The following MAGI2 variants were observed in gnomAD, a reference collection of about 807,000 sequenced individuals.
MAGI2 encodes membrane-associated guanylate kinase, WW and PDZ domain-containing protein 2.
A neutral mutation model predicts 133.3 loss-of-function variants in MAGI2; 35 were observed. The ratio of observed to expected loss-of-function variants is 0.26; its 90% confidence interval spans 0.20 to 0.35. MAGI2 has a LOEUF of 0.35. Among genes scored for constraint, MAGI2 ranks in the 10% least tolerant of loss-of-function variants. The probability of loss-of-function intolerance (pLI) is 1.00; values close to 1 mark genes in which losing one functional copy is unlikely to be tolerated. For missense variants in MAGI2, 1,636 were observed against 1,863.4 expected (o/e 0.88, Z 2.25); for synonymous variants, 729 against 710.6 (o/e 1.03, Z -0.41).
chr7:79,404,251 A>C (rs1300430378), intron 1 of MAGI2, among the ~76,000 whole-genome samples: 1 of 152,128 alleles, frequency 6.6e-6, no homozygotes, highest in African/African-American at 2.4e-5. Flanking sequence ...GATCAAGGCA[A>C]ATAGTAAATA....
At position 79,247,633 on chromosome 7, in the gene MAGI2, C is replaced by A. The variant is rs182327051; in HGVS notation, c.301+205387G>T. On this transcript the variant is annotated intron_variant, in intron 1 of 21. Coordinates refer to ENST00000354212, the MANE Select transcript of MAGI2 (RefSeq NM_012301.4). ...GTCTGAAATACTACTACTACTACTA[C>A]TACTAATAACTATAACAACTTTTAA... Among the ~76,000 whole-genome samples the A allele has an allele frequency of 3.8e-4, 58 of 152,048 alleles. No individual in the cohort carries two copies. The East Asian group carries it at 0.011, about 28-fold the overall frequency.
chr7:78,309,722 A>G (rs1431657128), intron 9 of MAGI2, among the ~76,000 whole-genome samples: 3 of 152,218 alleles, frequency 2.0e-5, no homozygotes, highest in Non-Finnish European at 4.4e-5. Context: ...CAATAGCACA[A>G]TGGAAAAAGC....
At chr7:78,446,149 G>T (rs1472104945) in intron 6 of MAGI2, among the ~76,000 whole-genome samples, 1 of 104,888 alleles carries the variant, frequency 9.5e-6, no homozygotes, top group Non-Finnish European at 2.1e-5. Context: ...AATACTATAT[G>T]TTTAACTTAT....
chr7:78,957,594 C>T (rs758036545), intron 2 of MAGI2, among the ~76,000 whole-genome samples: 15 of 151,992 alleles, frequency 9.9e-5, no homozygotes, highest in Non-Finnish European at 1.5e-4. Context: ...TAGACCAAAA[C>T]CTGTTTGAAA....
chr7:78,879,360 A>G (rs1348131571), intron 2 of MAGI2, among the ~76,000 whole-genome samples: 2 of 152,042 alleles, frequency 1.3e-5, no homozygotes, highest in Admixed American at 1.3e-4. Context: ...TTATATACCC[A>G]TCTATGTTGG....
chr7:78,087,976 G>C (rs189074436), intron 20 of MAGI2, among the ~76,000 whole-genome samples: 79 of 152,274 alleles, frequency 5.2e-4, no homozygotes, highest in Non-Finnish European at 1.0e-3. Context: ...ATCGGCCTAA[G>C]AATAGAAAGC....
intron 1 of MAGI2, among the ~76,000 whole-genome samples, chr7:79,325,288 C>T (rs12216581): frequency 0.57 from 86,815 of 151,886 alleles, 26,958 homozygotes; most frequent in Non-Finnish European, 0.69. Context: ...TGTGTGTTAT[C>T]GTAACCCTCC....
At chr7:78,642,380 T>C (rs918171000) in intron 2 of MAGI2, among the ~76,000 whole-genome samples, 10 of 152,176 alleles carry the variant, frequency 6.6e-5, no homozygotes, top group Non-Finnish European at 1.5e-4. Flanking sequence ...AAAAGAACTA[T>C]CTTAGGTTAA....
chr7:78,334,633 A>G (rs1016145633), intron 9 of MAGI2, among the ~76,000 whole-genome samples: 7 of 152,182 alleles, frequency 4.6e-5, no homozygotes, highest in African/African-American at 1.4e-4. Context: ...GGGGGAGGTT[A>G]GGATGGAGGG....
intron 9 of MAGI2, among the ~76,000 whole-genome samples, chr7:78,275,206 C>T (rs1794946480): frequency 6.6e-6 from 1 of 152,136 alleles, no homozygotes; most frequent in African/African-American, 2.4e-5. Context: ...GGAGAGAATT[C>T]CCCAACCCCT....
intron 1 of MAGI2, among the ~76,000 whole-genome samples, chr7:79,103,752 T>C (rs1818193930): frequency 6.6e-6 from 1 of 152,062 alleles, no homozygotes; most frequent in South Asian, 2.1e-4. Flanking sequence ...CAGCCTGGAG[T>C]GCAGTGGCGC....
At chr7:78,858,772 G>A (rs1199021490) in intron 2 of MAGI2, among the ~76,000 whole-genome samples, 6 of 150,418 alleles carry the variant, frequency 4.0e-5, no homozygotes, top group African/African-American at 1.5e-4. Context: ...TTATGTCTGA[G>A]TTCAATTCCT....
rs368074152 is a variant in MAGI2, at chr7:79,049,693, T to A, written c.302-42487A>T. ...GCCTTGTTATTTTTATGTTTTTTAT[T>A]CCTTACTCATATTTTACTACCTCTC... On this transcript the variant is annotated intron_variant, in intron 1 of 21. Transcript: ENST00000354212. Among the ~76,000 whole-genome samples, 39 of 152,214 alleles carry A rather than the reference T, an allele frequency of 2.6e-4. 1 individual carries two copies. In the East Asian group the frequency reaches 4.8e-3, roughly 19 times the overall value.
intron 20 of MAGI2, among the ~76,000 whole-genome samples, chr7:78,104,085 T>G (rs1429997136): frequency 6.6e-6 from 1 of 152,136 alleles, no homozygotes; most frequent in Non-Finnish European, 1.5e-5. Flanking sequence ...GGAGGTGTAA[T>G]TACTGGGGAC....
At chr7:78,218,269 G>A (rs1053378289) in intron 10 of MAGI2, among the ~76,000 whole-genome samples, 3 of 152,236 alleles carry the variant, frequency 2.0e-5, no homozygotes, top group African/African-American at 7.2e-5. Context: ...AATGGATTCT[G>A]CCTTTGCAGA....
chr7:78,947,441 AT>A lies in MAGI2; in HGVS notation c.418+59648del, dbSNP rs1409073187. 2.0e-5 allele frequency among the ~76,000 whole-genome samples: 3 copies of A among 152,256 alleles called. No individual in the cohort carries two copies. The East Asian group carries it at 5.8e-4, about 29-fold the overall frequency. ...AAAGGAAAAGAAGAACTGTGCTCATATTAATAAGCTACTTGAAAGTTACAGT... is the reference window on the plus strand; with the variant it reads ...AAAGGAAAAGAAGAACTGTGCTCATATAATAAGCTACTTGAAAGTTACAGT... On this transcript the variant is annotated intron_variant, in intron 2 of 21. Transcript: ENST00000354212.
At chr7:79,258,968 T>C (rs1164415434) in intron 1 of MAGI2, among the ~76,000 whole-genome samples, 1 of 152,250 alleles carries the variant, frequency 6.6e-6, no homozygotes, top group Non-Finnish European at 1.5e-5. Context: ...TCTCATTCTT[T>C]CAAGCTAAAC....
At chr7:78,170,838 G>C (rs1826043394) in intron 14 of MAGI2, 1 of 151,406 alleles carries the variant, frequency 6.6e-6, no homozygotes, top group African/African-American at 2.4e-5. Context: ...TTATTATATA[G>C]TTACATTATA....
Position 79,093,655 on chromosome 7 carries a change from G to A in MAGI2, c.302-86449C>T, listed in dbSNP as rs192434925. On this transcript the variant is annotated intron_variant, in intron 1 of 21. Transcript: ENST00000354212. Reference sequence around the variant, plus strand: ...AGGGTGGTGGTTGCTCAAGGTTTGGGTGCTGTGGCAATTTCTTTTTCTTTC... The same window carrying A: ...AGGGTGGTGGTTGCTCAAGGTTTGGATGCTGTGGCAATTTCTTTTTCTTTC... 2.6e-5 allele frequency among the ~76,000 whole-genome samples: 4 copies of A among 151,280 alleles called. No individual in the cohort carries two copies. The East Asian group carries it at 7.8e-4, about 29-fold the overall frequency.
Sources: gnomAD v4.1 joint callset for allele counts (sites outside exome capture counted in the v4.1 genomes callset) on GRCh38, gnomAD v4.1.1 for gene constraint, MANE v1.5 for transcripts, NCBI Gene and HGNC (gene_info 2026-07-23, HGNC 2026-07-21) for gene names.